GLRA2: variants seen among roughly 807,000 people sequenced by gnomAD.
The protein encoded by GLRA2 is glycine receptor alpha 2.
In GLRA2, 11 loss-of-function variants were observed where a neutral mutation model predicts 31.6. The ratio of observed to expected loss-of-function variants is 0.35; its 90% confidence interval spans 0.22 to 0.58. GLRA2 has a LOEUF of 0.58. Ranked by LOEUF, GLRA2 falls within the 20% of genes least tolerant of loss-of-function variation. The pLI is 0.84. For synonymous variants in GLRA2, 132 were observed against 134.0 expected, an observed-to-expected ratio of 0.99 and a Z score of 0.10; for missense variants, 212 against 351.8, an observed-to-expected ratio of 0.60 and a Z score of 3.18.
intron 8 of GLRA2, among the ~76,000 whole-genome samples, chrX:14,699,596 A>G: frequency 8.9e-6 from 1 of 111,861 alleles, no homozygotes. Context: ...TCTCTTCTAG[A>G]TATTTTGAAA....
Position 14,529,733 on chromosome X carries a change from C to T in GLRA2, c.-325C>T, listed in dbSNP as rs1205799420. 1 of 287,082 alleles carries T rather than the reference C, an allele frequency of 3.5e-6. No homozygotes were observed. Among genetic ancestry groups the T allele is most frequent in the African/African-American group, 2.8e-5 (1 of 35,626 alleles). 23.7% of individuals were successfully genotyped at this position (287,082 alleles called of 1,213,427 possible). ...CCACAGCTATCTAGCATGGCATTGT[C>T]ACCAACTCCCTTTGCATGGTGATGC... On this transcript the variant is annotated 5_prime_UTR_variant, in exon 1 of 9. Coordinates refer to ENST00000218075, the MANE Select transcript of GLRA2 (RefSeq NM_002063.4).
At chrX:14,531,092 AATC>A (rs1045804534) in intron 1 of GLRA2, 370 of 932,209 alleles carry the variant, frequency 4.0e-4, no homozygotes, top group Non-Finnish European at 4.7e-4. Context: ...TTTTTATTAG[AATC>A]ATCATCATCA....
chrX:14,474,542 G>A, the GLRA2 span, among the ~76,000 whole-genome samples: 1 of 111,600 alleles, frequency 9.0e-6, no homozygotes, highest in South Asian at 3.8e-4. Flanking sequence ...GTTGGGCTCA[G>A]ATGGGTGATT....
intron 2 of GLRA2, among the ~76,000 whole-genome samples, chrX:14,538,278 C>T (rs2089353661): frequency 9.0e-6 from 1 of 111,105 alleles, no homozygotes; most frequent in Admixed American, 9.6e-5. Context: ...CCTTTACCTA[C>T]CTCACTTGGG....
chrX:14,514,290 A>C, the GLRA2 span, among the ~76,000 whole-genome samples: 1 of 109,925 alleles, frequency 9.1e-6, no homozygotes, highest in African/African-American at 3.3e-5. Flanking sequence ...AAAGACTACA[A>C]ATTGGTACAG....
chrX:14,631,345 C>A (rs890774023), intron 7 of GLRA2, among the ~76,000 whole-genome samples: 2 of 110,892 alleles, frequency 1.8e-5, no homozygotes, highest in African/African-American at 6.6e-5. Flanking sequence ...GATTTGATGT[C>A]CTTGTCTGCT....
intron 2 of GLRA2, among the ~76,000 whole-genome samples, chrX:14,554,043 T>C (rs746292824): frequency 2.1e-4 from 24 of 112,201 alleles, no homozygotes; most frequent in Non-Finnish European, 3.9e-4. Flanking sequence ...AGGACTTCAA[T>C]AAATGTCCTT....
intron 7 of GLRA2, among the ~76,000 whole-genome samples, chrX:14,661,964 T>C (rs1294117272): frequency 9.1e-6 from 1 of 109,894 alleles, no homozygotes; most frequent in Non-Finnish European, 1.9e-5. Context: ...TAATAAATTT[T>C]TGAGGTTCAT....
intron 2 of GLRA2, among the ~76,000 whole-genome samples, chrX:14,565,478 CTCA>C (rs1486161854): frequency 9.2e-6 from 1 of 108,337 alleles, no homozygotes; most frequent in East Asian, 2.8e-4. Flanking sequence ...GTTTATTTCT[CTCA>C]TCATTTTGGT....
chrX:14,696,458 T>C (rs1329396574), intron 8 of GLRA2, among the ~76,000 whole-genome samples: 1 of 111,899 alleles, frequency 8.9e-6, no homozygotes, highest in East Asian at 2.8e-4. Flanking sequence ...AAAAAATTAT[T>C]GACAGCAAGG....
intron 2 of GLRA2, among the ~76,000 whole-genome samples, chrX:14,533,722 G>A (rs1339957884): frequency 9.0e-6 from 1 of 110,977 alleles, no homozygotes; most frequent in African/African-American, 3.3e-5. Flanking sequence ...TAACTGTTGG[G>A]TGCTTTGTAA....
At chrX:14,557,102 CTTTTTTTTTTTTT>C (rs58282642) in intron 2 of GLRA2, among the ~76,000 whole-genome samples, 607 of 46,361 alleles carry the variant, frequency 0.013, 6 homozygotes, top group Non-Finnish European at 0.015. Context: ...TAAAGTATTT[CTTTTTTTTTTTTT>C]TTTTTTTTTT....
chrX:14,651,957 G>T (rs1193996173), intron 7 of GLRA2, among the ~76,000 whole-genome samples: 1 of 110,980 alleles, frequency 9.0e-6, no homozygotes, highest in Non-Finnish European at 1.9e-5. Context: ...TGGAATTAGT[G>T]CCTTTGTAAG....
intron 5 of GLRA2, among the ~76,000 whole-genome samples, chrX:14,605,678 T>C (rs995384299): frequency 8.9e-6 from 1 of 111,937 alleles, no homozygotes; most frequent in African/African-American, 3.2e-5. Flanking sequence ...AATAATGAAA[T>C]CAAAGAAACA....
the GLRA2 span, among the ~76,000 whole-genome samples, chrX:14,452,815 T>G: frequency 8.9e-6 from 1 of 112,112 alleles, no homozygotes; most frequent in Non-Finnish European, 1.9e-5. Flanking sequence ...CAGCATATTC[T>G]GTTTTAACCT....
At position 14,577,267 on chromosome X, in the gene GLRA2, C is replaced by G. The variant is rs181952929; in HGVS notation, c.270+2867C>G. 3.5e-5 allele frequency among the ~76,000 whole-genome samples: 4 copies of G among 113,427 alleles called. No homozygotes were observed. In the East Asian group the frequency reaches 1.1e-3, roughly 31 times the overall value. On this transcript the variant is annotated intron_variant, in intron 3 of 8. Transcript: ENST00000218075. The stretch of plus-strand genomic sequence containing the variant: ...GTTAGCAAATAGGTGTGGTTGTGTA[C>G]CAATAAAGTTTTATTTACAAAAACA...
chrX:14,618,477 TTA>T (rs1172450830), intron 7 of GLRA2, among the ~76,000 whole-genome samples: 1 of 112,178 alleles, frequency 8.9e-6, no homozygotes, highest in African/African-American at 3.2e-5. Flanking sequence ...GTAAACGGCA[TTA>T]TGTTTATGAA....
intron 7 of GLRA2, among the ~76,000 whole-genome samples, chrX:14,646,680 T>A (rs2147133716): frequency 8.9e-6 from 1 of 111,768 alleles, no homozygotes. Context: ...CCAGTGGACT[T>A]GAAAGAGGAT....
intron 7 of GLRA2, among the ~76,000 whole-genome samples, chrX:14,629,210 G>A (rs1176650704): frequency 9.0e-6 from 1 of 111,319 alleles, no homozygotes; most frequent in Non-Finnish European, 1.9e-5. Flanking sequence ...AGGAATTGGG[G>A]CTTTGAGTAC....
Sources: allele counts gnomAD v4.1 joint callset (sites outside exome capture counted in the v4.1 genomes callset), GRCh38; gene constraint gnomAD v4.1.1; transcripts MANE v1.5; gene names NCBI Gene and HGNC (gene_info 2026-07-23, HGNC 2026-07-21).